Variants in SLC41A3 observed in about 807,000 individuals in gnomAD.
SLC41A3 encodes the protein SLC41A1-like 2.
In SLC41A3, 44 loss-of-function variants were observed where a neutral mutation model predicts 45.4. That is an observed-to-expected ratio of 0.97 (90% CI 0.76 to 1.25). The LOEUF is 1.25. Among genes scored for constraint, SLC41A3 ranks in the 50% most tolerant of loss-of-function variants. SLC41A3 has a pLI of 0.00. For synonymous variants in SLC41A3, 256 were observed against 252.4 expected (o/e 1.01, Z -0.13); for missense variants, 550 against 600.6 (o/e 0.92, Z 0.88).
chr3:126,013,834 G>T (rs1381681153), intron 8 of SLC41A3, among the ~76,000 whole-genome samples: 1 of 152,180 alleles, frequency 6.6e-6, no homozygotes, highest in Admixed American at 6.5e-5. Context: ...GGGGAAACAG[G>T]ACGAGCGGGG....
In SLC41A3 at chr3:126,006,559, T is replaced by C; in HGVS notation, c.*457A>G. On this transcript the variant is annotated 3_prime_UTR_variant, in exon 11 of 11. Coordinates refer to ENST00000360370, the MANE Select transcript of SLC41A3 (RefSeq NM_017836.4). ...ACAGCAGCAGTGTGGCCCACGGAGC[T>C]TGAACCTGGTGAAGACAGCAAGTAA... 6.3e-7 allele frequency: 1 copy of C among 1,598,772 alleles called. No homozygotes were observed. Among genetic ancestry groups the C allele is most frequent in the South Asian group, 1.1e-5 (1 of 87,440 alleles).
intron 3 of SLC41A3, among the ~76,000 whole-genome samples, chr3:126,049,556 AT>A (rs1283669549): frequency 6.6e-6 from 1 of 152,018 alleles, no homozygotes; most frequent in Non-Finnish European, 1.5e-5. Flanking sequence ...TACTATCAAC[AT>A]TTTTTTCCCT....
At chr3:126,098,925 CTTTTTTT>C (rs57262035) in intron 1 of SLC41A3, among the ~76,000 whole-genome samples, 22,489 of 109,848 alleles carry the variant, frequency 0.2, 1,760 homozygotes, top group Middle Eastern at 0.34. Flanking sequence ...CATGACCTGG[CTTTTTTT>C]TTTTTTTTTT....
At position 126,006,798 on chromosome 3, in the gene SLC41A3, C is replaced by T; in HGVS notation, c.*218G>A. 8 of 1,443,210 alleles carry T rather than the reference C, an allele frequency of 5.5e-6. No individual in the cohort carries two copies. The South Asian group carries it at 7.5e-5, about 13-fold the overall frequency. 89.4% of individuals were successfully genotyped at this position (1,443,210 alleles called of 1,614,324 possible). ...TAAGCATGTGCACACATCATATTCA[C>T]ACACTCAAGCCATGCTCTTGATTTC... is the stretch of plus-strand genomic sequence containing the variant. On this transcript the variant is annotated 3_prime_UTR_variant, in exon 11 of 11. Coordinates refer to ENST00000360370, the MANE Select transcript of SLC41A3 (RefSeq NM_017836.4).
At chr3:126,088,797 A>G (rs1945439586), upstream of SLC41A3, among the ~76,000 whole-genome samples, 1 of 152,182 alleles carries the variant, frequency 6.6e-6, no homozygotes, top group South Asian at 2.1e-4. Flanking sequence ...CGGATTGTAA[A>G]AATAACCACT....
At chr3:126,039,084 C>T (rs1215310875) in intron 3 of SLC41A3, among the ~76,000 whole-genome samples, 1 of 152,212 alleles carries the variant, frequency 6.6e-6, no homozygotes, top group Non-Finnish European at 1.5e-5. Flanking sequence ...AAAGCCCTCA[C>T]CAGAAGCAGA....
chr3:126,048,098 T>C (rs1178299157), intron 3 of SLC41A3, among the ~76,000 whole-genome samples: 2 of 152,144 alleles, frequency 1.3e-5, no homozygotes, highest in Non-Finnish European at 2.9e-5. Context: ...AAAGAAGACA[T>C]ACAAACGGCC....
chr3:126,098,614 G>C (rs1945648099), intron 1 of SLC41A3, among the ~76,000 whole-genome samples: 1 of 152,250 alleles, frequency 6.6e-6, no homozygotes, highest in Non-Finnish European at 1.5e-5. Context: ...GAGGTCTGAG[G>C]AATAGGGAGG....
At chr3:126,034,828 G>T (rs1942066629) in intron 3 of SLC41A3, among the ~76,000 whole-genome samples, 1 of 152,256 alleles carries the variant, frequency 6.6e-6, no homozygotes, top group African/African-American at 2.4e-5. Flanking sequence ...TGGCCCATAT[G>T]ATTTCTGAGT....
intron 1 of SLC41A3, among the ~76,000 whole-genome samples, chr3:126,099,259 G>A (rs899217838): frequency 1.3e-5 from 2 of 152,114 alleles, no homozygotes; most frequent in African/African-American, 4.8e-5. Context: ...GAGCCCGGGA[G>A]CAACTGGAAC....
chr3:126,086,289 G>A (rs776470042), upstream of SLC41A3, among the ~76,000 whole-genome samples: 1 of 151,822 alleles, frequency 6.6e-6, no homozygotes, highest in Non-Finnish European at 1.5e-5. Flanking sequence ...ACACTATAGA[G>A]TTCCTAAGTT....
At chr3:126,010,362 CT>C (rs746901707) in intron 9 of SLC41A3, among the ~76,000 whole-genome samples, 23 of 152,274 alleles carry the variant, frequency 1.5e-4, no homozygotes, top group Non-Finnish European at 2.8e-4. Flanking sequence ...ATCTCAGCTA[CT>C]TGGGAGGCTG....
Position 126,026,408 on chromosome 3 carries a change from T to C in SLC41A3, c.525A>G (p.Glu175=), listed in dbSNP as rs779302417. The C allele has an allele frequency of 6.3e-7, 1 of 1,594,698 alleles. No homozygotes were observed. The highest frequency in any genetic ancestry group is 8.5e-7 in the Non-Finnish European group (1 of 1,170,278). The stretch of plus-strand genomic sequence containing the variant: ...GCAACTCCACCTTGGCGACATCCAC[T>C]TCCTCTCGAGACACCACGCCCAACA... The part of the protein sequence containing the change: ...ALLLGVVSRE[E]VDVAKVELLC... The change falls in exon 5 of 11, where the codon GAA becomes GAG. Residue 175 remains glutamate (E), a synonymous_variant. Transcript: ENST00000360370. This position sits in a 1 kb window ranked among gnomAD's most constrained non-coding sequence, Gnocchi z 4.2.
rs1274701933 is a variant in SLC41A3 at position 126,068,153 on chromosome 3, G to A, written c.67C>T (p.Pro23Ser). 1.2e-6 allele frequency: 2 copies of A among 1,600,808 alleles called. No homozygotes were observed. Among genetic ancestry groups the A allele is most frequent in the East Asian group, 2.2e-5 (1 of 44,704 alleles). ...AGTCCTCCTGTGCTGAGGGGGTGAG[G>A]AAGCCCCAGCTCCCCTGGCTTGCCA... ...SCGKPGELGL[P>S]HPLSTGGLPV... Residue 23 changes from proline to serine, a missense_variant, in exon 2 of 11, where the codon CCT becomes TCT. Coordinates refer to ENST00000360370, the MANE Select transcript of SLC41A3 (RefSeq NM_017836.4).
intron 3 of SLC41A3, among the ~76,000 whole-genome samples, chr3:126,044,607 T>C (rs1255760774): frequency 6.6e-6 from 1 of 152,152 alleles, no homozygotes; most frequent in Admixed American, 6.5e-5. Flanking sequence ...ATTAAAATCA[T>C]ACAGAGGGCC....
At chr3:126,007,973 C>G (rs1189563049) in intron 10 of SLC41A3, among the ~76,000 whole-genome samples, 6 of 152,240 alleles carry the variant, frequency 3.9e-5, no homozygotes, top group African/African-American at 1.4e-4. Context: ...ATCTCCTTCA[C>G]CATGCTTACT....
In SLC41A3 at chr3:126,012,721, C is replaced by T. The variant is rs761778285; in HGVS notation, c.999G>A (p.Gln333=). The T allele has an allele frequency of 1.2e-6, 2 of 1,614,192 alleles. No individual in the cohort carries two copies. Among genetic ancestry groups the T allele is most frequent in the Non-Finnish European group, 1.7e-6 (2 of 1,180,028 alleles). Residue 333 remains glutamine, a synonymous_variant, in exon 9 of 11, where the codon CAG becomes CAA. Transcript: ENST00000360370. ...GCAGGTAGGTTGAGATTCGGCTGGTCTGAATGGCCACCAGATTGCCACCAA... is the reference window on the plus strand; with the variant it reads ...GCAGGTAGGTTGAGATTCGGCTGGTTTGAATGGCCACCAGATTGCCACCAA... ...CGVGGNLVAI[Q]TSRISTYLHM... is the part of the protein sequence containing the mutation.
chr3:126,025,462 A>G (rs990730052), intron 5 of SLC41A3: 1 of 152,052 alleles, frequency 6.6e-6, no homozygotes, highest in Non-Finnish European at 1.5e-5. Flanking sequence ...ACACAAGCAG[A>G]GCCGGGGCCC....
intron 5 of SLC41A3, chr3:126,024,341 G>A (rs979767765): frequency 6.6e-6 from 1 of 152,220 alleles, no homozygotes; most frequent in Admixed American, 6.5e-5. Context: ...TTGTTTTCAG[G>A]AGACTTTATG....
Sources: gnomAD v4.1 joint callset for allele counts (sites outside exome capture counted in the v4.1 genomes callset) on GRCh38, gnomAD v4.1.1 for gene constraint, Gnocchi (gnomAD v3.1) non-coding constraint, MANE v1.5 for transcripts, NCBI Gene and HGNC (gene_info 2026-07-23, HGNC 2026-07-21) for gene names.